PPP2R3B: variants seen among roughly 807,000 people sequenced by gnomAD.
PPP2R3B encodes protein phosphatase 2 regulatory subunit B''beta, also known as serine/threonine-protein phosphatase 2A regulatory subunit B'' subunit beta.
PPP2R3B carries 68 observed loss-of-function variants against 72.9 expected under a neutral mutation model. That is an observed-to-expected ratio of 0.93 (90% confidence interval 0.77 to 1.14). The LOEUF is 1.14. Ranked by LOEUF, PPP2R3B falls within the 50% of genes most tolerant of loss-of-function variation. The pLI, the probability that PPP2R3B is intolerant of heterozygous loss-of-function variation, is 0.00. For synonymous variants in PPP2R3B, 466 were observed against 375.8 expected (o/e 1.24, Z -2.78); for missense variants, 1,018 against 842.0 (o/e 1.21, Z -2.59).
intron 8 of PPP2R3B, 100 bp from the exon 9 acceptor site, chrX:341,496 G>C (rs867227347): frequency 1.1e-6 from 1 of 938,736 alleles, no homozygotes; most frequent in Non-Finnish European, 1.6e-6. Flanking sequence ...GGAGCCCCCC[G>C]GGCCCGGCCC....
rs1376946184 is a variant in PPP2R3B, at chrX:345,613, G to A, written c.939C>T (p.Tyr313=). 3.7e-6 allele frequency: 6 copies of A among 1,613,208 alleles called. No homozygotes were observed. The highest frequency in any genetic ancestry group is 3.3e-5 in the South Asian group (3 of 91,062). The part of the protein sequence containing the change: ...DINQLTEFFS[Y]EHFYVIYCKF... ...TGCAGTAGATGACGTAGAAATGCTCGTACGAGAAGAATTCGGTCAGCTGGT... is the reference window on the plus strand; with the variant it reads ...TGCAGTAGATGACGTAGAAATGCTCATACGAGAAGAATTCGGTCAGCTGGT... Residue 313 remains tyrosine, a synonymous_variant, in exon 7 of 13, where the codon TAC becomes TAT. Transcript: ENST00000390665.
intron 1 of PPP2R3B, among the ~76,000 whole-genome samples, chrX:363,459 C>CCATCCCACAATGCATCTCCCCGAGCCCAG (rs1569403851): frequency 6.7e-5 from 10 of 148,226 alleles, no homozygotes; most frequent in Non-Finnish European, 1.2e-4. Flanking sequence ...CCCGAGCCCA[C>CCATCCCACAATGCATCTCCCCGAGCCCAG]CATCCCACAA....
At position 346,201 on chromosome X, in the gene PPP2R3B, G is replaced by A. The variant is rs779997138; in HGVS notation, c.852C>T (p.Ala284=). The A allele has an allele frequency of 1.3e-6, 2 of 1,566,828 alleles. No individual in the cohort carries two copies. The highest frequency in any genetic ancestry group is 1.2e-5 in the South Asian group (1 of 85,400). Residue 284 remains alanine (A), a synonymous_variant, in exon 6 of 13, where the codon GCC becomes GCT. Transcript: ENST00000390665. ...NRSWSGRITC[A]ELRRSSFLQN... is the part of the protein sequence containing the mutation. ...GCAGGAAGGAGCTCCTCCGCAGCTC[G>A]GCGCAGGTGATCCTGCCGGACCAGG...
intron 6 of PPP2R3B, 126 bp downstream of exon 6, chrX:346,048 G>C (rs1318365285): frequency 6.4e-6 from 3 of 467,194 alleles, no homozygotes; most frequent in African/African-American, 3.8e-5. Context: ...TGGAGGTGGG[G>C]GTGGGGGTGG....
Position 334,269 on chromosome X carries a change from A to G in PPP2R3B, c.*98T>C, listed in dbSNP as rs1421001089. On this transcript the variant is annotated 3_prime_UTR_variant, in exon 13 of 13. Coordinates refer to ENST00000390665, the MANE Select transcript of PPP2R3B (RefSeq NM_013239.5). ...TAAATAAAAGTTTATCATTCCGTAC[A>G]AACGCACTCATTTTCCACAACAGTT... The G allele has an allele frequency of 7.7e-7, 1 of 1,303,904 alleles. No homozygotes were observed. Among genetic ancestry groups the G allele is most frequent in the Non-Finnish European group, 1.0e-6 (1 of 993,314 alleles). 80.8% of individuals were successfully genotyped at this position (1,303,904 alleles called of 1,614,324 possible).
intron 1 of PPP2R3B, among the ~76,000 whole-genome samples, chrX:367,875 C>T (rs757862458): frequency 7.6e-4 from 116 of 152,272 alleles, no homozygotes; most frequent in African/African-American, 2.7e-3. Flanking sequence ...AAAGAGCAGG[C>T]AGACAGTAGA....
Position 334,062 on chromosome X carries a change from A to G in PPP2R3B, c.*305T>C, listed in dbSNP as rs1463862283. 1 of 309,044 alleles carries G rather than the reference A, an allele frequency of 3.2e-6. No homozygotes were observed. The highest frequency in any genetic ancestry group is 5.9e-6 in the Non-Finnish European group (1 of 169,186). 19.1% of individuals were successfully genotyped at this position (309,044 alleles called of 1,614,324 possible). A position where few individuals can be genotyped will look rare whatever the true frequency, so the allele number is the denominator to read the frequency against. On this transcript the variant is annotated 3_prime_UTR_variant, in exon 13 of 13. Coordinates refer to ENST00000390665, the MANE Select transcript of PPP2R3B (RefSeq NM_013239.5). ...GGAGCCGCCGGTCACCGTTGTGCGCACACGGACCCTTTCCACAGACGCAGG... is the reference window on the plus strand; with the variant it reads ...GGAGCCGCCGGTCACCGTTGTGCGCGCACGGACCCTTTCCACAGACGCAGG...
chrX:346,392 G>A lies in PPP2R3B; in HGVS notation c.793-132C>T, dbSNP rs117941813. On this transcript the variant is annotated intron_variant, in intron 5 of 12. Coordinates refer to ENST00000390665, the MANE Select transcript of PPP2R3B (RefSeq NM_013239.5). Reference sequence around the variant, plus strand: ...CGGGGCCGCCAGGGCACAGGCGGGGGCAGAGGGAAGGGCCCTGCGGGAGGC... The same window carrying A: ...CGGGGCCGCCAGGGCACAGGCGGGGACAGAGGGAAGGGCCCTGCGGGAGGC... The A allele has an allele frequency of 0.016, 14,041 of 885,408 alleles. 1,355 individuals are homozygous for A. In the African/African-American group the frequency reaches 0.21, roughly 13 times the overall value. The allele number at this position is 885,408 out of a possible 1,614,324, so 54.8% of individuals were successfully genotyped here. A position where few individuals can be genotyped will look rare whatever the true frequency, so the allele number is the denominator to read the frequency against.
At chrX:363,654 G>A (rs1345515662) in intron 1 of PPP2R3B, among the ~76,000 whole-genome samples, 7 of 64,702 alleles carry the variant, frequency 1.1e-4, no homozygotes, top group Non-Finnish European at 1.6e-4. Flanking sequence ...TCATCTCCCT[G>A]TGCCCACCAT....
At chrX:352,232 C>G (rs1488005865) in intron 2 of PPP2R3B, among the ~76,000 whole-genome samples, 1 of 152,282 alleles carries the variant, frequency 6.6e-6, no homozygotes, top group East Asian at 1.9e-4. Flanking sequence ...ATACCCTGAT[C>G]TGACTTTTAA....
At chrX:377,548 C>T (rs1307117557) in intron 1 of PPP2R3B, among the ~76,000 whole-genome samples, 9 of 96,122 alleles carry the variant, frequency 9.4e-5, no homozygotes, top group African/African-American at 2.9e-4. Context: ...ACGGGCCGTC[C>T]ACACCCAGTG....
At chrX:372,150 G>C (rs1384781516) in intron 1 of PPP2R3B, among the ~76,000 whole-genome samples, 4 of 152,084 alleles carry the variant, frequency 2.6e-5, no homozygotes, top group Non-Finnish European at 5.9e-5. Flanking sequence ...CCACCATCTA[G>C]AGCAAATCCC....
At chrX:341,236 G>C in intron 9 of PPP2R3B, 71 bp downstream of exon 9, 1 of 1,549,728 alleles carries the variant, frequency 6.5e-7, no homozygotes. Flanking sequence ...GCATCCGCCT[G>C]GGGACACATG....
intron 1 of PPP2R3B, among the ~76,000 whole-genome samples, chrX:384,049 T>G (rs1477530148): frequency 3.3e-5 from 5 of 151,548 alleles, no homozygotes; most frequent in Non-Finnish European, 7.4e-5. Context: ...CCACCTGAGG[T>G]GAGGGTTAAG....
chrX:379,673 G>A (rs746946206), intron 1 of PPP2R3B, among the ~76,000 whole-genome samples: 3 of 152,318 alleles, frequency 2.0e-5, no homozygotes, highest in South Asian at 2.1e-4. Flanking sequence ...AGGTGTACCC[G>A]GGGAAGTACA....
rs777997300 is a variant in PPP2R3B at position 346,258 on chromosome X, G to C, written c.795C>G (p.Val265=). 2.0e-5 allele frequency: 31 copies of C among 1,565,434 alleles called. No homozygotes were observed. In the Admixed American group the frequency reaches 5.4e-4, roughly 27 times the overall value. ...TCACGGCGTAGAAGATCCGCTGGATGACCTGCGGGGGCGCTGTCAGTGCGG... is the reference window on the plus strand; with the variant it reads ...TCACGGCGTAGAAGATCCGCTGGATCACCTGCGGGGGCGCTGTCAGTGCGG... ...SEFHSRYITT[V]IQRIFYAVNR... Residue 265 remains valine (V), a splice_region_variant and synonymous_variant, in exon 6 of 13, where the codon GTC becomes GTG. Transcript: ENST00000390665.
At chrX:378,820 C>G (rs1365065666) in intron 1 of PPP2R3B, among the ~76,000 whole-genome samples, 5 of 152,108 alleles carry the variant, frequency 3.3e-5, no homozygotes, top group Admixed American at 1.3e-4. Flanking sequence ...GTGAATAGGT[C>G]GTTGTTACGA....
At chrX:365,056 A>G (rs2071675756) in intron 1 of PPP2R3B, among the ~76,000 whole-genome samples, 1 of 53,106 alleles carries the variant, frequency 1.9e-5, no homozygotes, top group East Asian at 7.1e-4. Flanking sequence ...TCAAAACAAA[A>G]CAAACGATTA....
chrX:342,230 AGAG>A, intron 7 of PPP2R3B: 1 of 568,698 alleles, frequency 1.8e-6, no homozygotes, highest in South Asian at 2.1e-5. Context: ...TCAGACGGAG[AGAG>A]AGACCTCGAG....
Sources: allele counts gnomAD v4.1 joint callset (sites outside exome capture counted in the v4.1 genomes callset), GRCh38; gene constraint gnomAD v4.1.1; transcripts MANE v1.5; gene names NCBI Gene and HGNC (gene_info 2026-07-23, HGNC 2026-07-21).